Variants in NKD2 observed in about 807,000 individuals in gnomAD.
NKD2 encodes the protein NKD inhibitor of Wnt signaling pathway 2, also known as protein naked cuticle homolog 2.
A neutral mutation model predicts 34.8 loss-of-function variants in NKD2; 43 were observed. The observed-to-expected ratio is 1.24, with a 90% CI of 0.97 to 1.60. The LOEUF is 1.60. Ranked by LOEUF, NKD2 falls within the 40% of genes most tolerant of loss-of-function variation. The pLI is 0.00. For missense variants in NKD2, 675 were observed against 627.1 expected, an observed-to-expected ratio of 1.08 and a Z score of -0.82; for synonymous variants, 278 against 265.1, an observed-to-expected ratio of 1.05 and a Z score of -0.47.
At chr5:1,027,078 T>C (rs1448751599) in intron 3 of NKD2, among the ~76,000 whole-genome samples, 2 of 152,366 alleles carry the variant, frequency 1.3e-5, no homozygotes, top group Non-Finnish European at 1.5e-5. Context: ...CCCCGGCCCT[T>C]CTTTCCAGCT....
chr5:1,037,166 C>T (rs186966232), intron 9 of NKD2, among the ~76,000 whole-genome samples: 41 of 152,260 alleles, frequency 2.7e-4, no homozygotes, highest in East Asian at 1.4e-3. Flanking sequence ...CGTTTATTTC[C>T]GACTAGCAGC....
chr5:1,032,094 A>G (rs2150745708), intron 3 of NKD2, 58 bp from the exon 4 acceptor site: 1 of 1,408,118 alleles, frequency 7.1e-7, no homozygotes, highest in Non-Finnish European at 1.0e-6. Context: ...GCTCCTGCCC[A>G]TCTCCCCCGC....
In NKD2 at chr5:1,034,757, A is replaced by C. The variant is rs772934098; in HGVS notation, c.428A>C (p.Asp143Ala). ...FDNCGKVTRE[D>A]MSSLMHTIYE... is the part of the protein sequence containing the mutation. ...AGTGAAACTGATGCCGGGCCCCAGG[A>C]CATGTCCAGCCTCATGCACACCATC... The change falls in exon 7 of 10, where the codon GAC becomes GCC. Residue 143 changes from aspartate to alanine, a missense_variant and splice_region_variant. Coordinates refer to ENST00000296849, the MANE Select transcript of NKD2 (RefSeq NM_033120.4). 1 of 1,609,400 alleles carries C rather than the reference A, an allele frequency of 6.2e-7. No individual in the cohort carries two copies. The highest frequency in any genetic ancestry group is 2.2e-5 in the East Asian group (1 of 44,786).
chr5:1,018,346 C>T (rs1249135881), intron 3 of NKD2, among the ~76,000 whole-genome samples: 9 of 152,226 alleles, frequency 5.9e-5, no homozygotes, highest in Non-Finnish European at 2.9e-5. Context: ...GCCCCATCCT[C>T]ACATCTGTGG....
chr5:1,034,789 G>A lies in NKD2; in HGVS notation c.460G>A (p.Val154Ile). Residue 154 changes from valine (V) to isoleucine (I), a missense_variant, in exon 7 of 10, where the codon GTC becomes ATC. Transcript: ENST00000296849. ...MSSLMHTIYE[V>I]VDASVNHSSG... Reference sequence around the variant, plus strand: ...CAGCCTCATGCACACCATCTATGAGGTCGTGGATGCCTCGGTCAACCACTC... The same window carrying A: ...CAGCCTCATGCACACCATCTATGAGATCGTGGATGCCTCGGTCAACCACTC... The A allele has an allele frequency of 1.2e-6, 2 of 1,612,850 alleles. No individual in the cohort carries two copies. Among genetic ancestry groups the A allele is most frequent in the Non-Finnish European group, 1.7e-6 (2 of 1,179,982 alleles).
In NKD2 at chr5:1,038,093, C is replaced by T. The variant is rs1734093355; in HGVS notation, c.1076C>T (p.Ala359Val). The change falls in exon 10 of 10, where the codon GCC becomes GTC. Residue 359 changes from alanine to valine, a missense_variant. By Grantham distance (64) the Ala-to-Val change is moderately conservative (BLOSUM62 0). Coordinates refer to ENST00000296849, the MANE Select transcript of NKD2 (RefSeq NM_033120.4). This position sits in a 1 kb window ranked among gnomAD's most constrained non-coding sequence, Gnocchi z 4.5. ...AAAGCCTTCAGCTACTACCTGCCGG[C>T]CGTCCTGCCGCCCCAGGCCCCTCAG... ...SGKAFSYYLP[A>V]VLPPQAPQDG... 3.1e-6 allele frequency: 5 copies of T among 1,604,428 alleles called. No individual in the cohort carries two copies. The South Asian group carries it at 5.5e-5, about 18-fold the overall frequency.
intron 9 of NKD2, chr5:1,036,651 T>G (rs970098224): frequency 1.7e-6 from 1 of 602,656 alleles, no homozygotes; most frequent in Middle Eastern, 2.9e-4. Context: ...GATGCGGGGG[T>G]GCCTGGTTCA....
intron 3 of NKD2, among the ~76,000 whole-genome samples, chr5:1,028,525 C>A (rs975823755): frequency 3.9e-5 from 6 of 152,182 alleles, no homozygotes; most frequent in South Asian, 4.1e-4. Flanking sequence ...GGGTTCCTGT[C>A]CTCCCAGGGG....
chr5:1,036,997 CA>C (rs1734005851), intron 9 of NKD2: 4 of 342,544 alleles, frequency 1.2e-5, no homozygotes, highest in Admixed American at 6.4e-5. Context: ...GGATGGCAGG[CA>C]GGCAGTGTGG....
In NKD2 at chr5:1,009,432, C is replaced by T; in HGVS notation, c.62-49C>T. 6.9e-7 allele frequency: 1 copy of T among 1,451,342 alleles called. No individual in the cohort carries two copies. Among genetic ancestry groups the T allele is most frequent in the Middle Eastern group, 2.1e-4 (1 of 4,832 alleles). 89.9% of individuals were successfully genotyped at this position (1,451,342 alleles called of 1,614,324 possible). The stretch of plus-strand genomic sequence containing the variant: ...CGCCCGCGGGGCTCACGGCGCGTCT[C>T]TTTCCCTCCTCGGTGCGGGTTTCCC... On this transcript the variant is annotated intron_variant, in intron 2 of 9. Transcript: ENST00000296849. This position sits in a 1 kb window ranked among gnomAD's most constrained non-coding sequence, Gnocchi z 6.9.
chr5:1,019,822 A>C (rs73026710), intron 3 of NKD2, among the ~76,000 whole-genome samples: 2,681 of 151,354 alleles, frequency 0.018, 61 homozygotes, highest in African/African-American at 0.049. Flanking sequence ...AATAGGAAAC[A>C]TGAGGCTTTA....
intron 3 of NKD2, among the ~76,000 whole-genome samples, chr5:1,020,963 G>A (rs1317637646): frequency 1.3e-5 from 2 of 152,150 alleles, no homozygotes; most frequent in Non-Finnish European, 2.9e-5. Context: ...AGTGAGGGGC[G>A]TGGGTAGTGT....
At chr5:1,033,008 G>C (rs1040122084) in intron 4 of NKD2, among the ~76,000 whole-genome samples, 1 of 148,370 alleles carries the variant, frequency 6.7e-6, no homozygotes, top group Non-Finnish European at 1.5e-5. Context: ...GGATTCTGGA[G>C]TGGAGGGCCG....
In NKD2 at chr5:1,016,097, T is replaced by TC. The variant is rs150080957; in HGVS notation, c.141+6545dup. ...AGAGGGGTCTGCCCAGGTAGCAGGATCCCCCCCCACACCGGACACTTCCCC... is the reference window on the plus strand; with the variant it reads ...AGAGGGGTCTGCCCAGGTAGCAGGATCCCCCCCCCACACCGGACACTTCCCC... On this transcript the variant is annotated intron_variant, in intron 3 of 9. Coordinates refer to ENST00000296849, the MANE Select transcript of NKD2 (RefSeq NM_033120.4). 3.6e-4 allele frequency among the ~76,000 whole-genome samples: 55 copies of TC among 151,798 alleles called. No homozygotes were observed. In the South Asian group the frequency reaches 4.0e-3, roughly 11 times the overall value.
intron 3 of NKD2, among the ~76,000 whole-genome samples, chr5:1,026,940 C>T (rs114408934): frequency 0.01 from 1,581 of 152,364 alleles, 22 homozygotes; most frequent in African/African-American, 0.035. Context: ...AACTGGCCCT[C>T]GATGCCACGA....
At chr5:1,022,952 T>C (rs551256944) in intron 3 of NKD2, among the ~76,000 whole-genome samples, 67 of 3,606 alleles carry the variant, frequency 0.019, 1 homozygote, top group Non-Finnish European at 0.031. Flanking sequence ...TCTTCCCACC[T>C]GCTGTGGGCG....
intron 3 of NKD2, among the ~76,000 whole-genome samples, chr5:1,010,687 G>A (rs746457092): frequency 2.0e-5 from 3 of 152,172 alleles, no homozygotes; most frequent in Non-Finnish European, 4.4e-5. Flanking sequence ...AGCTGTCCCC[G>A]CCCCAATCTG....
At chr5:1,011,680 A>C (rs1241585605) in intron 3 of NKD2, among the ~76,000 whole-genome samples, 1 of 152,108 alleles carries the variant, frequency 6.6e-6, no homozygotes, top group Non-Finnish European at 1.5e-5. Context: ...AAGAGCCAAG[A>C]CCTCCGACCT....
At chr5:1,035,527 C>A in intron 8 of NKD2, 54 bp downstream of exon 8, 1 of 1,384,036 alleles carries the variant, frequency 7.2e-7, no homozygotes, top group Non-Finnish European at 1.0e-6. Flanking sequence ...GCACCCTGGC[C>A]ACACCCCTGC....
Sources: gnomAD v4.1 joint callset for allele counts (sites outside exome capture counted in the v4.1 genomes callset) on GRCh38, gnomAD v4.1.1 for gene constraint, Gnocchi (gnomAD v3.1) non-coding constraint, MANE v1.5 for transcripts, NCBI Gene and HGNC (gene_info 2026-07-23, HGNC 2026-07-21) for gene names.